The following JARID2 variants were observed in gnomAD, a reference collection of about 807,000 sequenced individuals.
JARID2 encodes protein Jumonji.
A neutral mutation model predicts 125.6 loss-of-function variants in JARID2; 21 were observed. That is an observed-to-expected ratio of 0.17 (90% CI 0.12 to 0.24). The LOEUF (loss-of-function observed/expected upper bound fraction) is 0.24, where lower values mean the gene tolerates loss of function less well. Among genes scored for constraint, JARID2 ranks in the 10% least tolerant of loss-of-function variants. The pLI, the probability that JARID2 is intolerant of heterozygous loss-of-function variation, is 1.00. For missense variants in JARID2, 1,303 were observed against 1,639.6 expected (o/e 0.79, Z 3.55); for synonymous variants, 736 against 661.6 (o/e 1.11, Z -1.73).
chr6:15,359,575 A>AT (rs1382501051), intron 1 of JARID2, among the ~76,000 whole-genome samples: 1 of 151,986 alleles, frequency 6.6e-6, no homozygotes, highest in African/African-American at 2.4e-5. Context: ...TCTTATTTGC[A>AT]TTGAAAGCCT....
intron 1 of JARID2, chr6:15,247,795 A>C: frequency 1.0e-6 from 1 of 985,452 alleles, no homozygotes; most frequent in Non-Finnish European, 1.2e-6. Context: ...AAGGTTAAAT[A>C]ATCAAGCCCA....
intron 1 of JARID2, among the ~76,000 whole-genome samples, chr6:15,334,132 C>T (rs1391788177): frequency 6.6e-6 from 1 of 152,124 alleles, no homozygotes; most frequent in Non-Finnish European, 1.5e-5. Context: ...GATCTGACAG[C>T]GTGAAGACAC....
At chr6:15,460,328 T>C (rs896415651) in intron 4 of JARID2, among the ~76,000 whole-genome samples, 2 of 152,180 alleles carry the variant, frequency 1.3e-5, no homozygotes, top group African/African-American at 4.8e-5. Context: ...TCTGACCATG[T>C]TGTGCCCTCC....
intron 1 of JARID2, among the ~76,000 whole-genome samples, chr6:15,320,852 CTGTGTGTGTGTG>C (rs71944757): frequency 4.8e-5 from 7 of 145,314 alleles, no homozygotes; most frequent in Non-Finnish European, 9.1e-5. Context: ...CTCTCTCTCT[CTGTGTGTGTGTG>C]TGTGTGTGTG....
At chr6:15,325,202 T>C (rs1762498583) in intron 1 of JARID2, among the ~76,000 whole-genome samples, 1 of 152,184 alleles carries the variant, frequency 6.6e-6, no homozygotes, top group African/African-American at 2.4e-5. Context: ...CCTGAGGGAA[T>C]TGTGTTGTTG....
chr6:15,282,422 T>G (rs1158716354), intron 1 of JARID2, among the ~76,000 whole-genome samples: 3 of 152,248 alleles, frequency 2.0e-5, no homozygotes, highest in Non-Finnish European at 4.4e-5. Context: ...TTTGCATTTC[T>G]CTGTTCTCAG....
intron 16 of JARID2, among the ~76,000 whole-genome samples, chr6:15,515,133 A>T (rs376945971): frequency 1.3e-5 from 2 of 151,206 alleles, no homozygotes; most frequent in African/African-American, 4.9e-5. Context: ...TGTAGCCTCA[A>T]CCTCCTGGTC....
At chr6:15,465,165 G>A (rs1249019145) in intron 4 of JARID2, among the ~76,000 whole-genome samples, 5 of 152,038 alleles carry the variant, frequency 3.3e-5, no homozygotes, top group East Asian at 1.9e-4. Context: ...AAAAATTATC[G>A]TCTATGGGCC....
Position 15,393,033 on chromosome 6 carries a change from C to CATGCGTGGATAGAGGCT in JARID2, c.182-17188_182-17172dup, listed in dbSNP as rs1269418422. 2.0e-5 allele frequency among the ~76,000 whole-genome samples: 3 copies of CATGCGTGGATAGAGGCT among 152,236 alleles called. No homozygotes were observed. The East Asian group carries it at 5.8e-4, about 30-fold the overall frequency. ...TTTAGTTAATGTAAAATTAAAAAGC[C>CATGCGTGGATAGAGGCT]ATGCGTGGATAGAGGCTATCAGTGC... On this transcript the variant is annotated intron_variant, in intron 2 of 17. Coordinates refer to ENST00000341776, the MANE Select transcript of JARID2 (RefSeq NM_004973.4).
intron 1 of JARID2, among the ~76,000 whole-genome samples, chr6:15,301,569 T>C (rs187741011): frequency 3.5e-4 from 54 of 152,332 alleles, no homozygotes; most frequent in African/African-American, 1.3e-3. Flanking sequence ...AAATGAGTAT[T>C]GTTGACCACA....
At chr6:15,304,512 CCAGA>C (rs1041169485) in intron 1 of JARID2, among the ~76,000 whole-genome samples, 6 of 152,102 alleles carry the variant, frequency 3.9e-5, no homozygotes, top group Non-Finnish European at 7.3e-5. Context: ...TCTGAAGCAG[CCAGA>C]CAATCATCGG....
chr6:15,450,398 G>C (rs1193647764), intron 3 of JARID2, among the ~76,000 whole-genome samples: 1 of 152,140 alleles, frequency 6.6e-6, no homozygotes, highest in African/African-American at 2.4e-5. Flanking sequence ...TGGAACTCCT[G>C]ACCTCAGATG....
At chr6:15,332,935 C>CTTTTTTTTTTTTTTTT (rs33921682) in intron 1 of JARID2, among the ~76,000 whole-genome samples, 3 of 42,168 alleles carry the variant, frequency 7.1e-5, no homozygotes, top group Non-Finnish European at 1.4e-4. Context: ...CTTTTCTTTT[C>CTTTTTTTTTTTTTTTT]TTTTTTTTTT....
At chr6:15,420,523 G>A (rs1033723120) in intron 3 of JARID2, among the ~76,000 whole-genome samples, 14 of 152,104 alleles carry the variant, frequency 9.2e-5, no homozygotes, top group African/African-American at 3.4e-4. Context: ...TTGAGTATAT[G>A]TGCTATTTTT....
In JARID2 at chr6:15,400,746, C is replaced by A. The variant is rs115456505; in HGVS notation, c.182-9478C>A. Reference sequence around the variant, plus strand: ...CCCTCCCTTGCACATAAATAACCTTCTCTCCTGGCTGCCTCCCCTCCCCCT... The same window carrying A: ...CCCTCCCTTGCACATAAATAACCTTATCTCCTGGCTGCCTCCCCTCCCCCT... On this transcript the variant is annotated intron_variant, in intron 2 of 17. Transcript: ENST00000341776. 3.0e-3 allele frequency: 2,886 copies of A among 953,582 alleles called. 78 individuals are homozygous for A. The African/African-American group carries it at 0.048, about 16-fold the overall frequency. 59.1% of individuals were successfully genotyped at this position (953,582 alleles called of 1,614,324 possible).
In JARID2 at chr6:15,511,274, CTT is replaced by C. The variant is rs746063949; in HGVS notation, c.2847-21_2847-20del. On this transcript the variant is annotated intron_variant, in intron 12 of 17. Transcript: ENST00000341776. ...GCCCTTGTCAAGTCTCTGCTTGTCT[CTT>C]GTGTCTCTCAATGACCCAGGTATTG... 6.4e-7 allele frequency: 1 copy of C among 1,553,356 alleles called. No individual in the cohort carries two copies. Among genetic ancestry groups the C allele is most frequent in the South Asian group, 1.1e-5 (1 of 89,824 alleles).
At chr6:15,415,829 C>T (rs866030122) in intron 3 of JARID2, among the ~76,000 whole-genome samples, 6 of 144,560 alleles carry the variant, frequency 4.2e-5, no homozygotes, top group Admixed American at 6.8e-5. Context: ...GGCTGACCCC[C>T]CCACCTCCCT....
intron 17 of JARID2, among the ~76,000 whole-genome samples, chr6:15,517,587 G>T (rs1408137488): frequency 1.3e-5 from 2 of 152,142 alleles, no homozygotes; most frequent in Non-Finnish European, 2.9e-5. Context: ...TTTGTGACCT[G>T]TCCCAGGCAC....
Position 15,496,166 on chromosome 6 carries a change from C to G in JARID2, c.941C>G (p.Ser314Cys). ...SKVNGVTRMSSLGAGVTSAKK... is the reference protein window; with the variant it reads ...SKVNGVTRMSCLGAGVTSAKK... ...GTAAACGGAGTCACTCGAATGTCAT[C>G]TCTGGGTGCAGGTGTAACCAGTGCC... The change falls in exon 7 of 18, where the codon TCT becomes TGT. Residue 314 changes from serine to cysteine, a missense_variant. Physicochemically the swap from Ser to Cys is moderately radical, Grantham distance 112 (BLOSUM62 -1). Transcript: ENST00000341776. 1 of 1,613,762 alleles carries G rather than the reference C, an allele frequency of 6.2e-7. No homozygotes were observed. Among genetic ancestry groups the G allele is most frequent in the Non-Finnish European group, 8.5e-7 (1 of 1,179,756 alleles).
Sources: gnomAD v4.1 joint callset for allele counts (sites outside exome capture counted in the v4.1 genomes callset) on GRCh38, gnomAD v4.1.1 for gene constraint, MANE v1.5 for transcripts, NCBI Gene and HGNC (gene_info 2026-07-23, HGNC 2026-07-21) for gene names.